Variants in NLGN3 observed in about 807,000 individuals in gnomAD.
The protein encoded by NLGN3 is neuroligin 3.
NLGN3 carries 11 observed loss-of-function variants against 42.9 expected under a neutral mutation model. The ratio of observed to expected loss-of-function variants is 0.26; its 90% CI spans 0.16 to 0.42. The LOEUF is 0.42. Among genes scored for constraint, NLGN3 ranks in the 10% least tolerant of loss-of-function variants. The pLI is 1.00. For synonymous variants in NLGN3, 279 were observed against 312.7 expected (o/e 0.89, Z 1.14); for missense variants, 374 against 733.8 (o/e 0.51, Z 5.67).
intron 1 of NLGN3, among the ~76,000 whole-genome samples, chrX:71,145,934 C>A (rs377302806): frequency 1.1e-5 from 1 of 89,398 alleles, no homozygotes; most frequent in Admixed American, 1.3e-4. Flanking sequence ...ATACACACAC[C>A]CACCCACTCC....
At chrX:71,165,583 G>C (rs549267046) in intron 6 of NLGN3, among the ~76,000 whole-genome samples, 41 of 110,522 alleles carry the variant, frequency 3.7e-4, no homozygotes, top group African/African-American at 1.1e-3. Context: ...CCAGTGCAGT[G>C]GTGTGATCAC....
intron 3 of NLGN3, among the ~76,000 whole-genome samples, chrX:71,151,167 T>C (rs2092390033): frequency 9.1e-6 from 1 of 109,953 alleles, no homozygotes; most frequent in African/African-American, 3.3e-5. Flanking sequence ...AAAATACAGG[T>C]GCATGGTGGC....
downstream of NLGN3, among the ~76,000 whole-genome samples, chrX:71,174,696 T>C (rs1347664307): frequency 1.8e-5 from 2 of 111,838 alleles, no homozygotes. Context: ...CATGTATACA[T>C]GTGGGGTGGG....
intron 3 of NLGN3, among the ~76,000 whole-genome samples, chrX:71,151,913 C>T (rs1180733217): frequency 8.9e-6 from 1 of 111,872 alleles, no homozygotes; most frequent in Non-Finnish European, 1.9e-5. Context: ...CTGAGGACAG[C>T]ACTGGCAGGT....
intron 3 of NLGN3, among the ~76,000 whole-genome samples, chrX:71,149,378 C>T (rs929935579): frequency 9.0e-6 from 1 of 111,357 alleles, no homozygotes; most frequent in African/African-American, 3.3e-5. Context: ...CCATACACAC[C>T]TCTGTCTCCC....
At chrX:71,149,033 C>A (rs376215253) in intron 3 of NLGN3, 128 bp downstream of exon 3, 2 of 397,945 alleles carry the variant, frequency 5.0e-6, no homozygotes, top group Middle Eastern at 1.3e-3. Flanking sequence ...CAGGCATAAG[C>A]GCCACCTCAT....
intron 5 of NLGN3, among the ~76,000 whole-genome samples, chrX:71,162,332 A>T (rs186147693): frequency 7.4e-4 from 82 of 111,077 alleles, no homozygotes; most frequent in African/African-American, 2.6e-3. Flanking sequence ...GTCTTGCTAC[A>T]CTGGCCAGGT....
chrX:71,166,463 A>C (rs748765015), intron 6 of NLGN3, among the ~76,000 whole-genome samples: 1 of 111,072 alleles, frequency 9.0e-6, no homozygotes, highest in South Asian at 3.8e-4. Context: ...TCTCCAAAAA[A>C]AAAAAAAAAC....
chrX:71,157,463 A>G (rs1360951414), intron 5 of NLGN3, among the ~76,000 whole-genome samples: 5 of 110,280 alleles, frequency 4.5e-5, no homozygotes. Context: ...AGCTGGGATT[A>G]CAGGCACCTG....
At position 71,169,760 on chromosome X, in the gene NLGN3, G is replaced by T. The variant is rs758756345; in HGVS notation, c.2210G>T (p.Arg737Leu). ...AALYYRKDKR[R>L]QEPLRQPSPQ... Reference sequence around the variant, plus strand: ...CTCTACTACCGTAAGGACAAACGGCGCCAGGAGCCCCTGCGGCAGCCTAGC... The same window carrying T: ...CTCTACTACCGTAAGGACAAACGGCTCCAGGAGCCCCTGCGGCAGCCTAGC... Residue 737 changes from arginine (R) to leucine (L), a missense_variant, in exon 8 of 8, where the codon CGC becomes CTC. Transcript: ENST00000358741. 8.3e-7 allele frequency: 1 copy of T among 1,211,400 alleles called. No homozygotes were observed. The highest frequency in any genetic ancestry group is 1.8e-5 in the South Asian group (1 of 56,924).
At chrX:71,154,608 G>A (rs1404160594) in intron 4 of NLGN3, among the ~76,000 whole-genome samples, 1 of 111,904 alleles carries the variant, frequency 8.9e-6, no homozygotes, top group African/African-American at 3.3e-5. Context: ...GGGGAAATGG[G>A]CACATGGCTA....
intron 3 of NLGN3, among the ~76,000 whole-genome samples, chrX:71,149,941 G>A: frequency 9.0e-6 from 1 of 111,291 alleles, no homozygotes; most frequent in African/African-American, 3.3e-5. Context: ...GGCAAGCTGG[G>A]AGTTTGTTTT....
At position 71,164,156 on chromosome X, in the gene NLGN3, T is replaced by G. The variant is rs750837111; in HGVS notation, c.741T>G (p.Thr247=). The part of the protein sequence containing the change: ...YRVGVLGFLS[T]GDQAAKGNYG... ...TGTTGAATCCAGGTTTCCTGAGTACTGGAGATCAGGCTGCCAAGGGCAACT... is the reference window on the plus strand; with the variant it reads ...TGTTGAATCCAGGTTTCCTGAGTACGGGAGATCAGGCTGCCAAGGGCAACT... The change falls in exon 6 of 8, where the codon ACT becomes ACG. Residue 247 remains threonine, a synonymous_variant. Transcript: ENST00000358741. 3 of 1,212,356 alleles carry G rather than the reference T, an allele frequency of 2.5e-6. No homozygotes were observed. Among genetic ancestry groups the G allele is most frequent in the Non-Finnish European group, 3.4e-6 (3 of 895,453 alleles).
In NLGN3 at chrX:71,167,571, G is replaced by A. The variant is rs771113237; in HGVS notation, c.1474G>A (p.Asp492Asn). ...GGTGGAGCCCTCAGTGGTGACAGCC[G>A]ATCTGCATGCCCGCTACGGCTCGCC... ...QWVEPSVVTA[D>N]LHARYGSPTY... Residue 492 changes from aspartate (D) to asparagine (N), a missense_variant, in exon 7 of 8, where the codon GAT becomes AAT. By Grantham distance (23) the Asp-to-Asn change is conservative (BLOSUM62 1). This residue lies in a region of NLGN3 where 142 missense variants were observed against 359.1 expected (regional missense o/e 0.40). Transcript: ENST00000358741. The A allele has an allele frequency of 8.3e-7, 1 of 1,211,291 alleles. No individual in the cohort carries two copies. The highest frequency in any genetic ancestry group is 1.1e-6 in the Non-Finnish European group (1 of 895,349).
At chrX:71,174,562 C>G (rs1333347972), downstream of NLGN3, among the ~76,000 whole-genome samples, 1 of 111,871 alleles carries the variant, frequency 8.9e-6, no homozygotes, top group Non-Finnish European at 1.9e-5. Flanking sequence ...TCAGGAAAAA[C>G]AAATCATGCC....
chrX:71,158,912 G>A (rs923138379), intron 5 of NLGN3, among the ~76,000 whole-genome samples: 1 of 111,910 alleles, frequency 8.9e-6, no homozygotes, highest in Non-Finnish European at 1.9e-5. Context: ...TACACCAGAA[G>A]TTCTTAACCT....
At chrX:71,145,544 G>A (rs888851320) in intron 1 of NLGN3, among the ~76,000 whole-genome samples, 5 of 108,738 alleles carry the variant, frequency 4.6e-5, no homozygotes, top group African/African-American at 1.3e-4. Context: ...TCTCATCCCC[G>A]GCATTGCTGC....
Position 71,170,176 on chromosome X carries a change from C to T in NLGN3, c.*79C>T. The T allele has an allele frequency of 5.9e-6, 7 of 1,188,806 alleles. No homozygotes were observed. Among genetic ancestry groups the T allele is most frequent in the Non-Finnish European group, 7.9e-6 (7 of 888,270 alleles). ...ACACATGCACACACACACACACACA[C>T]ACGCAGACACACACACACACACACA... On this transcript the variant is annotated 3_prime_UTR_variant, in exon 8 of 8. Coordinates refer to ENST00000358741, the MANE Select transcript of NLGN3 (RefSeq NM_181303.2).
intron 7 of NLGN3, among the ~76,000 whole-genome samples, chrX:71,168,495 C>G (rs2092454227): frequency 9.1e-6 from 1 of 110,473 alleles, no homozygotes; most frequent in African/African-American, 3.3e-5. Flanking sequence ...CTTTGGGAGG[C>G]CAAGGCAGGT....
Sources: allele counts gnomAD v4.1 joint callset (sites outside exome capture counted in the v4.1 genomes callset), GRCh38; gene constraint gnomAD v4.1.1; regional missense constraint gnomAD v4.1.1; transcripts MANE v1.5; gene names NCBI Gene and HGNC (gene_info 2026-07-23, HGNC 2026-07-21).